Variants in COL4A1 observed in about 807,000 individuals in gnomAD.
COL4A1 encodes collagen alpha-1(IV) chain.
A neutral mutation model predicts 216.6 loss-of-function variants in COL4A1; 40 were observed. The observed-to-expected ratio is 0.18, with a 90% CI of 0.14 to 0.24. The LOEUF (loss-of-function observed/expected upper bound fraction) is 0.24, where lower values mean the gene tolerates loss of function less well. COL4A1 is among the 10% of genes least tolerant of loss of function. The pLI is 1.00. For missense variants in COL4A1, 1,628 were observed against 2,196.8 expected, an observed-to-expected ratio of 0.74 and a Z score of 5.18; for synonymous variants, 839 against 810.7, an observed-to-expected ratio of 1.03 and a Z score of -0.59.
intron 15 of COL4A1, among the ~76,000 whole-genome samples, chr13:110,205,968 G>A (rs1165539689): frequency 6.6e-6 from 1 of 152,090 alleles, no homozygotes; most frequent in African/African-American, 2.4e-5. Flanking sequence ...CAAGGTAAAT[G>A]AGGGTTCTAT....
intron 1 of COL4A1, among the ~76,000 whole-genome samples, chr13:110,255,909 AAGGCAGGAAGGGAGGGGG>A (rs1566421455): frequency 7.8e-6 from 1 of 127,568 alleles, no homozygotes. Flanking sequence ...AGGGAGGGGG[AAGGCAGGAAGGGAGGGGG>A]AAGGAGGCAG....
At chr13:110,166,397 A>G in intron 44 of COL4A1, 94 bp from the exon 45 acceptor site, 1 of 818,418 alleles carries the variant, frequency 1.2e-6, no homozygotes, top group Non-Finnish European at 2.2e-6. Flanking sequence ...ACACACATAC[A>G]TGTACACAAA....
Position 110,174,725 on chromosome 13 carries a change from G to A in COL4A1, c.3223C>T (p.Pro1075Ser), listed in dbSNP as rs780691085. The A allele has an allele frequency of 9.3e-6, 15 of 1,613,584 alleles. No homozygotes were observed. The highest frequency in any genetic ancestry group is 1.3e-5 in the African/African-American group (1 of 74,836). ...TCTCCCTTCTCTCCAGGGCTTCCTG[G>A]GAAACCCGCTATCCCTTGATCTCCC... Reference protein sequence around the residue: ...EKGDQGIAGFPGSPGEKGEKG... With the variant: ...EKGDQGIAGFSGSPGEKGEKG... Residue 1075 changes from proline to serine, a missense_variant, in exon 38 of 52, where the codon CCA becomes TCA. Pro to Ser is a moderately conservative substitution (Grantham distance 74, BLOSUM62 -1). This residue lies in a region of COL4A1 where 345 missense variants were observed against 476.9 expected (regional missense o/e 0.72). Coordinates refer to ENST00000375820, the MANE Select transcript of COL4A1 (RefSeq NM_001845.6).
chr13:110,303,556 T>C (rs1884574800), intron 1 of COL4A1, among the ~76,000 whole-genome samples: 1 of 152,238 alleles, frequency 6.6e-6, no homozygotes, highest in South Asian at 2.1e-4. Context: ...GACCATGTCT[T>C]CTGTGTATAG....
At chr13:110,214,597 A>G (rs7318694) in intron 2 of COL4A1, among the ~76,000 whole-genome samples, 12,825 of 152,158 alleles carry the variant, frequency 0.084, 539 homozygotes, top group African/African-American at 0.1. Context: ...AAGGCAGAAG[A>G]GAGGCCAATT....
intron 40 of COL4A1, among the ~76,000 whole-genome samples, chr13:110,173,436 C>T (rs146375858): frequency 1.3e-5 from 2 of 152,154 alleles, no homozygotes; most frequent in East Asian, 3.9e-4. Flanking sequence ...CATCATCACA[C>T]CTGCACTTTT....
In COL4A1 at chr13:110,198,609, A is replaced by T. The variant is rs772196692; in HGVS notation, c.1143T>A (p.Ala381=). The T allele has an allele frequency of 6.2e-7, 1 of 1,614,094 alleles. No individual in the cohort carries two copies. The highest frequency in any genetic ancestry group is 8.5e-7 in the Non-Finnish European group (1 of 1,180,028). Residue 381 remains alanine (A), a synonymous_variant, in exon 21 of 52, where the codon GCT becomes GCA. Transcript: ENST00000375820. The part of the protein sequence containing the change: ...GPPGLPVPGQ[A]GAPGFPGERG... The stretch of plus-strand genomic sequence containing the variant: ...TTTCACCAGGGAAGCCAGGGGCACC[A>T]GCCTGCCCAGGTACAGGGAGGCCTG...
Position 110,242,672 on chromosome 13 carries a change from C to A in COL4A1, c.144+3G>T. 5.6e-6 allele frequency: 9 copies of A among 1,614,202 alleles called. No homozygotes were observed. The highest frequency in any genetic ancestry group is 7.6e-6 in the Non-Finnish European group (9 of 1,180,030). Reference sequence around the variant, plus strand: ...TGTTGTGATTTAAATTTCGGCAACTCACCTTTTGTCCCTTCACTCCATGGC... The same window carrying A: ...TGTTGTGATTTAAATTTCGGCAACTAACCTTTTGTCCCTTCACTCCATGGC... On this transcript the variant is annotated splice_donor_region_variant and intron_variant, in intron 2 of 51. Transcript: ENST00000375820.
intron 26 of COL4A1, among the ~76,000 whole-genome samples, chr13:110,184,441 C>T (rs562055611): frequency 2.0e-4 from 30 of 152,260 alleles, no homozygotes; most frequent in African/African-American, 6.0e-4. Context: ...CCTGGCTCAC[C>T]GAAGTCCTCC....
At chr13:110,251,843 A>G (rs977903770) in intron 1 of COL4A1, among the ~76,000 whole-genome samples, 1 of 152,164 alleles carries the variant, frequency 6.6e-6, no homozygotes, top group African/African-American at 2.4e-5. Flanking sequence ...CCTTGAACCC[A>G]CACCTGACTT....
chr13:110,299,429 C>T (rs1217738440), intron 1 of COL4A1, among the ~76,000 whole-genome samples: 1 of 152,238 alleles, frequency 6.6e-6, no homozygotes, highest in Non-Finnish European at 1.5e-5. Flanking sequence ...GATGTCATTA[C>T]TTTGCTGTTT....
intron 21 of COL4A1, among the ~76,000 whole-genome samples, chr13:110,196,628 C>G (rs1054204218): frequency 1.3e-5 from 2 of 152,090 alleles, no homozygotes; most frequent in Non-Finnish European, 2.9e-5. Flanking sequence ...AATAGTACAT[C>G]CTCACCAAAG....
At chr13:110,289,376 G>C (rs1391026756) in intron 1 of COL4A1, among the ~76,000 whole-genome samples, 1 of 152,072 alleles carries the variant, frequency 6.6e-6, no homozygotes, top group African/African-American at 2.4e-5. Flanking sequence ...AGCATCTCTG[G>C]CTCCTCATCA....
At chr13:110,258,862 A>G (rs1229965358) in intron 1 of COL4A1, among the ~76,000 whole-genome samples, 2 of 152,278 alleles carry the variant, frequency 1.3e-5, no homozygotes, top group African/African-American at 2.4e-5. Flanking sequence ...GCATAGTTTT[A>G]ATATTAGATG....
chr13:110,232,893 T>C, intron 2 of COL4A1, among the ~76,000 whole-genome samples: 1 of 152,176 alleles, frequency 6.6e-6, no homozygotes, highest in East Asian at 1.9e-4. Context: ...CTCCTGAGTC[T>C]AACAGGTCCC....
intron 1 of COL4A1, among the ~76,000 whole-genome samples, chr13:110,290,185 G>C (rs1884029250): frequency 1.3e-5 from 2 of 152,152 alleles, no homozygotes; most frequent in Admixed American, 1.3e-4. Flanking sequence ...CTAGTTGAAG[G>C]CCTTTTAAAG....
At chr13:110,150,507 C>G in intron 51 of COL4A1, 63 bp from the exon 52 acceptor site, 1 of 1,506,444 alleles carries the variant, frequency 6.6e-7, no homozygotes, top group South Asian at 1.1e-5. Context: ...AAACATGGCA[C>G]TCCTGCCCTG....
Position 110,195,187 on chromosome 13 carries a change from A to G in COL4A1, c.1286-69T>C, listed in dbSNP as rs987673810. 1.0e-5 allele frequency: 13 copies of G among 1,239,392 alleles called. No individual in the cohort carries two copies. In the Admixed American group the frequency reaches 2.2e-4, roughly 21 times the overall value. 76.8% of individuals were successfully genotyped at this position (1,239,392 alleles called of 1,614,324 possible). A position where few individuals can be genotyped will look rare whatever the true frequency, so the allele number is the denominator to read the frequency against. On this transcript the variant is annotated intron_variant, in intron 21 of 51. Coordinates refer to ENST00000375820, the MANE Select transcript of COL4A1 (RefSeq NM_001845.6). Reference sequence around the variant, plus strand: ...TTTACCCTCTCCTAACTCAACCTCTATTATAAAACCAAAATATTTTAGGCT... The same window carrying G: ...TTTACCCTCTCCTAACTCAACCTCTGTTATAAAACCAAAATATTTTAGGCT...
At chr13:110,213,097 T>G (rs1879895667) in intron 4 of COL4A1, among the ~76,000 whole-genome samples, 1 of 151,972 alleles carries the variant, frequency 6.6e-6, no homozygotes, top group Non-Finnish European at 1.5e-5. Context: ...AGTGATACAA[T>G]GGACTTCGGG....
Sources: gnomAD v4.1 joint callset for allele counts (sites outside exome capture counted in the v4.1 genomes callset) on GRCh38, gnomAD v4.1.1 for gene constraint, gnomAD v4.1.1 regional missense constraint, MANE v1.5 for transcripts, NCBI Gene and HGNC (gene_info 2026-07-23, HGNC 2026-07-21) for gene names.